Variants in RAD51B observed in about 807,000 individuals in gnomAD.
RAD51B encodes RAD51 paralog B, also known as DNA repair protein RAD51 homolog 2.
A neutral mutation model predicts 42.2 loss-of-function variants in RAD51B; 38 were observed. That is an observed-to-expected ratio of 0.90 (90% CI 0.70 to 1.18). The LOEUF is 1.18. Ranked by LOEUF, RAD51B falls within the 50% of genes most tolerant of loss-of-function variation. The probability of loss-of-function intolerance (pLI) is 0.00; values close to 1 mark genes in which losing one functional copy is unlikely to be tolerated. For missense variants in RAD51B, 373 were observed against 400.7 expected (o/e 0.93, Z 0.59); for synonymous variants, 154 against 145.2 (o/e 1.06, Z -0.43).
At chr14:68,518,788 G>A (rs1174372738) in intron 10 of RAD51B, among the ~76,000 whole-genome samples, 1 of 152,194 alleles carries the variant, frequency 6.6e-6, no homozygotes, top group East Asian at 1.9e-4. Context: ...CTTTCTTGGA[G>A]CTCCTTCTCT....
At chr14:68,387,284 A>G (rs1033395034) in intron 8 of RAD51B, 1 of 152,232 alleles carries the variant, frequency 6.6e-6, no homozygotes, top group Non-Finnish European at 1.5e-5. Context: ...CCTGCATCTT[A>G]TTAAACTCCT....
At chr14:68,449,080 T>C (rs1034875288) in intron 9 of RAD51B, among the ~76,000 whole-genome samples, 1 of 152,214 alleles carries the variant, frequency 6.6e-6, no homozygotes, top group Non-Finnish European at 1.5e-5. Context: ...CTAACCGTTT[T>C]TCATAGCAGC....
At chr14:68,406,741 G>A (rs1447523128) in intron 8 of RAD51B, among the ~76,000 whole-genome samples, 1 of 151,902 alleles carries the variant, frequency 6.6e-6, no homozygotes, top group Non-Finnish European at 1.5e-5. Context: ...TTAACTTTTT[G>A]ATCTTGTAAT....
intron 8 of RAD51B, among the ~76,000 whole-genome samples, chr14:68,329,133 CAAG>C (rs1426569480): frequency 1.1e-4 from 17 of 152,120 alleles, no homozygotes; most frequent in African/African-American, 3.6e-4. Flanking sequence ...CTTAGCTTCC[CAAG>C]TAGCTAAGAC....
chr14:68,510,235 G>T (rs1412420220), intron 10 of RAD51B, among the ~76,000 whole-genome samples: 1 of 152,194 alleles, frequency 6.6e-6, no homozygotes, highest in Non-Finnish European at 1.5e-5. Flanking sequence ...AACTGAAGAA[G>T]TGAGGTCTCT....
rs1882860798 is a variant in RAD51B at position 68,478,062 on chromosome 14, G to A, written c.*398G>A. On this transcript the variant is annotated 3_prime_UTR_variant, in exon 11 of 11. Transcript: ENST00000471583. Reference sequence around the variant, plus strand: ...TAACAAGATTTGTAATTACAGGAGGGAACATTTCCGAATAAAGTATTGTCT... The same window carrying A: ...TAACAAGATTTGTAATTACAGGAGGAAACATTTCCGAATAAAGTATTGTCT... The A allele has an allele frequency of 4.7e-6, 5 of 1,067,330 alleles. No individual in the cohort carries two copies. Among genetic ancestry groups the A allele is most frequent in the Non-Finnish European group, 4.5e-6 (4 of 881,436 alleles). 66.1% of individuals were successfully genotyped at this position (1,067,330 alleles called of 1,614,324 possible). A position where few individuals can be genotyped will look rare whatever the true frequency, so the allele number is the denominator to read the frequency against.
At chr14:68,668,840 C>T (rs893880137) in intron 11 of RAD51B, among the ~76,000 whole-genome samples, 1 of 152,226 alleles carries the variant, frequency 6.6e-6, no homozygotes, top group African/African-American at 2.4e-5. Context: ...ATGTCTGAAG[C>T]AGCTCAGGAT....
rs549153684 is a variant in RAD51B at position 68,172,197 on chromosome 14, G to T, written c.757-119687G>T. Among the ~76,000 whole-genome samples the T allele has an allele frequency of 3.3e-5, 5 of 152,056 alleles. 1 individual carries two copies. The highest frequency in any genetic ancestry group is 9.6e-5 in the African/African-American group (4 of 41,456). On this transcript the variant is annotated intron_variant, in intron 7 of 10. Coordinates refer to ENST00000471583, the MANE Select transcript of RAD51B (RefSeq NM_133510.4). ...TTTACCTTCCCTCCTCCCTTAAATCGCCTAGTTCTCATTTTGAAAAGGTAG... is the reference window on the plus strand; with the variant it reads ...TTTACCTTCCCTCCTCCCTTAAATCTCCTAGTTCTCATTTTGAAAAGGTAG...
At chr14:68,654,466 G>A (rs61577070) in intron 11 of RAD51B, among the ~76,000 whole-genome samples, 283 of 152,326 alleles carry the variant, frequency 1.9e-3, no homozygotes, top group African/African-American at 6.5e-3. Flanking sequence ...ATTGCATTAA[G>A]GACATGAGCT....
At chr14:68,143,018 G>A (rs1386614353) in intron 7 of RAD51B, among the ~76,000 whole-genome samples, 1 of 151,266 alleles carries the variant, frequency 6.6e-6, no homozygotes, top group Non-Finnish European at 1.5e-5. Context: ...AGGGCGAGGG[G>A]GTGGGGGGGG....
intron 8 of RAD51B, among the ~76,000 whole-genome samples, chr14:68,323,959 C>T (rs899438108): frequency 1.3e-5 from 2 of 152,174 alleles, no homozygotes; most frequent in African/African-American, 4.8e-5. Context: ...TTGAACAGGG[C>T]ATACCATTGT....
At chr14:67,856,783 C>G (rs2042010018) in intron 4 of RAD51B, among the ~76,000 whole-genome samples, 1 of 151,832 alleles carries the variant, frequency 6.6e-6, no homozygotes, top group South Asian at 2.1e-4. Flanking sequence ...TCTCTTTCCT[C>G]TTCAAACCAA....
At chr14:68,017,574 G>A (rs2075797661) in intron 7 of RAD51B, among the ~76,000 whole-genome samples, 1 of 152,112 alleles carries the variant, frequency 6.6e-6, no homozygotes, top group African/African-American at 2.4e-5. Flanking sequence ...GTTTTTTAGA[G>A]ATCAATGCTG....
At chr14:67,858,577 G>A (rs566730640) in intron 4 of RAD51B, among the ~76,000 whole-genome samples, 1 of 152,202 alleles carries the variant, frequency 6.6e-6, no homozygotes, top group South Asian at 2.1e-4. Context: ...AGGTGGGCGA[G>A]ACAGTGTGGA....
At chr14:67,903,774 CA>C (rs1187202709) in intron 7 of RAD51B, among the ~76,000 whole-genome samples, 6 of 152,054 alleles carry the variant, frequency 3.9e-5, no homozygotes, top group East Asian at 3.8e-4. Context: ...ATTTAAGGTT[CA>C]GGGGGTACAT....
intron 9 of RAD51B, among the ~76,000 whole-genome samples, chr14:68,428,002 G>T (rs1419735294): frequency 2.0e-5 from 3 of 152,180 alleles, no homozygotes; most frequent in Admixed American, 2.0e-4. Flanking sequence ...TATCACAGGA[G>T]TGAGTTCCTT....
At chr14:67,939,659 T>C (rs1397306829) in intron 7 of RAD51B, among the ~76,000 whole-genome samples, 1 of 152,108 alleles carries the variant, frequency 6.6e-6, no homozygotes, top group Non-Finnish European at 1.5e-5. Flanking sequence ...CATTTATTTC[T>C]CACAGTTCTG....
rs1050421379 is a variant in RAD51B at position 68,421,947 on chromosome 14, A to C, written c.957+10420A>C. The stretch of plus-strand genomic sequence containing the variant: ...CTTTAGGATGAAGTTCTCATTTTCA[A>C]ATTTCTCCGTGTAGATGGACTTGCC... On this transcript the variant is annotated intron_variant, in intron 9 of 10. Coordinates refer to ENST00000471583, the MANE Select transcript of RAD51B (RefSeq NM_133510.4). 4.1e-5 allele frequency: 64 copies of C among 1,556,328 alleles called. 2 individuals are homozygous for C. The highest frequency in any genetic ancestry group is 1.4e-5 in the African/African-American group (1 of 73,516).
At chr14:68,116,537 C>A (rs998829607) in intron 7 of RAD51B, among the ~76,000 whole-genome samples, 1 of 151,940 alleles carries the variant, frequency 6.6e-6, no homozygotes, top group African/African-American at 2.4e-5. Context: ...ATCTGCCCTT[C>A]GATTAGTGAG....
Sources: allele counts gnomAD v4.1 joint callset (sites outside exome capture counted in the v4.1 genomes callset), GRCh38; gene constraint gnomAD v4.1.1; transcripts MANE v1.5; gene names NCBI Gene and HGNC (gene_info 2026-07-23, HGNC 2026-07-21).